Variants in BMERB1 observed in about 807,000 individuals in gnomAD.
BMERB1 encodes bMERB domain-containing protein 1.
Under a neutral mutation model 23.6 loss-of-function variants are expected in BMERB1, and 12 were observed. The observed-to-expected ratio is 0.51, with a 90% confidence interval of 0.33 to 0.82. The LOEUF is 0.82. Among genes scored for constraint, BMERB1 ranks in the 40% least tolerant of loss-of-function variants. The pLI is 0.03. For synonymous variants in BMERB1, 122 were observed against 96.6 expected, an observed-to-expected ratio of 1.26 and a Z score of -1.54; for missense variants, 247 against 255.4, an observed-to-expected ratio of 0.97 and a Z score of 0.22.
At chr16:15,501,498 A>G (rs932044560) in intron 1 of BMERB1, among the ~76,000 whole-genome samples, 2 of 146,830 alleles carry the variant, frequency 1.4e-5, no homozygotes, top group African/African-American at 5.2e-5. Flanking sequence ...TTGTTGAGAC[A>G]GAGTCTCCCT....
chr16:15,551,790 G>A lies in BMERB1; in HGVS notation c.231-16193G>A, dbSNP rs188523077. The stretch of plus-strand genomic sequence containing the variant: ...GAAACTTGCAGTCATGGCAGACGGC[G>A]AAGGGAAAGCAAGCACGTCTTACGT... On this transcript the variant is annotated intron_variant, in intron 2 of 5. Coordinates refer to ENST00000300006, the MANE Select transcript of BMERB1 (RefSeq NM_033201.3). 1.6e-3 allele frequency among the ~76,000 whole-genome samples: 237 copies of A among 152,294 alleles called. 1 individual carries two copies. The highest frequency in any genetic ancestry group is 5.4e-3 in the African/African-American group (225 of 41,558).
intron 2 of BMERB1, among the ~76,000 whole-genome samples, chr16:15,528,623 C>G (rs138236899): frequency 6.6e-6 from 1 of 151,824 alleles, no homozygotes; most frequent in Non-Finnish European, 1.5e-5. Flanking sequence ...CCCCACCCCC[C>G]GATACACACA....
At chr16:15,559,754 G>T (rs1419521970) in intron 2 of BMERB1, among the ~76,000 whole-genome samples, 23 of 152,154 alleles carry the variant, frequency 1.5e-4, no homozygotes, top group Non-Finnish European at 3.4e-4. Flanking sequence ...TTTCTTGGAA[G>T]GATGTTCAAA....
chr16:15,503,487 A>G (rs1478287547), intron 1 of BMERB1, among the ~76,000 whole-genome samples: 2 of 141,794 alleles, frequency 1.4e-5, no homozygotes, highest in African/African-American at 5.3e-5. Context: ...TGTAGTAGAG[A>G]CGGCGTTTCA....
chr16:15,542,147 T>C lies in BMERB1; in HGVS notation c.231-25836T>C, dbSNP rs2052091404. On this transcript the variant is annotated intron_variant, in intron 2 of 5. Coordinates refer to ENST00000300006, the MANE Select transcript of BMERB1 (RefSeq NM_033201.3). ...GGCATGATTGCGGCTCACTGCAACC[T>C]CCGCCTCCCAGGTTCAAGCAATTAT... is the stretch of plus-strand genomic sequence containing the variant. 2.7e-5 allele frequency among the ~76,000 whole-genome samples: 4 copies of C among 146,696 alleles called. No individual in the cohort carries two copies. The Admixed American group carries it at 2.7e-4, about 10-fold the overall frequency.
chr16:15,578,767 C>T (rs1309252705), intron 3 of BMERB1, among the ~76,000 whole-genome samples: 1 of 152,124 alleles, frequency 6.6e-6, no homozygotes, highest in East Asian at 1.9e-4. Flanking sequence ...TATAAGGGCA[C>T]TAATTCCATT....
At chr16:15,473,848 G>A (rs1225554397) in intron 1 of BMERB1, among the ~76,000 whole-genome samples, 3 of 151,854 alleles carry the variant, frequency 2.0e-5, no homozygotes, top group Non-Finnish European at 4.4e-5. Context: ...GGCTGGGTGC[G>A]GTGGCTCACG....
chr16:15,440,603 A>G (rs915522235), intron 1 of BMERB1, among the ~76,000 whole-genome samples: 1 of 152,108 alleles, frequency 6.6e-6, no homozygotes, highest in Admixed American at 6.6e-5. Context: ...TCTAGAAGTA[A>G]TACATGTACT....
intron 1 of BMERB1, among the ~76,000 whole-genome samples, chr16:15,499,957 C>G (rs1246459272): frequency 6.6e-6 from 1 of 152,158 alleles, no homozygotes; most frequent in Non-Finnish European, 1.5e-5. Context: ...TCAATATATT[C>G]AATCAATATA....
chr16:15,496,799 A>G (rs565403617), intron 1 of BMERB1, among the ~76,000 whole-genome samples: 3 of 152,106 alleles, frequency 2.0e-5, no homozygotes, highest in Non-Finnish European at 2.9e-5. Flanking sequence ...CGGCCTCCCA[A>G]AGTGCTGGGA....
At chr16:15,462,122 A>G (rs2051140464) in intron 1 of BMERB1, among the ~76,000 whole-genome samples, 1 of 133,350 alleles carries the variant, frequency 7.5e-6, no homozygotes, top group South Asian at 2.4e-4. Context: ...ATTCAAAGTT[A>G]ACTGGATGTC....
intron 1 of BMERB1, among the ~76,000 whole-genome samples, chr16:15,451,311 C>G (rs2051039252): frequency 6.6e-6 from 1 of 152,048 alleles, no homozygotes; most frequent in Non-Finnish European, 1.5e-5. Flanking sequence ...CTGCCTCAGC[C>G]TCTTGAGTAG....
chr16:15,452,783 A>C (rs992521952), intron 1 of BMERB1, among the ~76,000 whole-genome samples: 2 of 152,134 alleles, frequency 1.3e-5, no homozygotes, highest in Admixed American at 6.5e-5. Context: ...AACTTAGCCT[A>C]AGTGTATCGG....
chr16:15,586,538 C>A lies in BMERB1; in HGVS notation c.503-179C>A, dbSNP rs112442611. Among the ~76,000 whole-genome samples, 3 of 151,152 alleles carry A rather than the reference C, an allele frequency of 2.0e-5. No homozygotes were observed. The Admixed American group carries it at 2.0e-4, about 10-fold the overall frequency. On this transcript the variant is annotated intron_variant, in intron 5 of 5. Coordinates refer to ENST00000300006, the MANE Select transcript of BMERB1 (RefSeq NM_033201.3). ...TAAAATGAGGACTATAAAATGAGGA[C>A]CAGCTGAGGATCATATGAAATGTGC...
At chr16:15,519,074 T>TACTCACAC (rs2051815098) in intron 2 of BMERB1, among the ~76,000 whole-genome samples, 1 of 140,510 alleles carries the variant, frequency 7.1e-6, no homozygotes, top group Non-Finnish European at 1.5e-5. Flanking sequence ...ACAATCCTCT[T>TACTCACAC]ACACACACAC....
At chr16:15,503,783 A>G (rs997779035) in intron 1 of BMERB1, among the ~76,000 whole-genome samples, 1 of 152,170 alleles carries the variant, frequency 6.6e-6, no homozygotes, top group Non-Finnish European at 1.5e-5. Flanking sequence ...CAGGTCGCAC[A>G]ATTAGTGATA....
intron 1 of BMERB1, among the ~76,000 whole-genome samples, chr16:15,484,709 C>G (rs2051353310): frequency 6.6e-6 from 1 of 152,160 alleles, no homozygotes; most frequent in Non-Finnish European, 1.5e-5. Context: ...GCCTCTTTCC[C>G]CTTTTTTAAA....
rs190600296 is a variant in BMERB1, at chr16:15,503,345, G to A, written c.107-11960G>A. On this transcript the variant is annotated intron_variant, in intron 1 of 5. Coordinates refer to ENST00000300006, the MANE Select transcript of BMERB1 (RefSeq NM_033201.3). ...TGCCCAGGCTGGAGTGCAGTGGCGC[G>A]ATCTCGGCTCACTGCAAACTCCGCC... Among the ~76,000 whole-genome samples, 9 of 151,758 alleles carry A rather than the reference G, an allele frequency of 5.9e-5. No homozygotes were observed. In the East Asian group the frequency reaches 1.6e-3, roughly 26 times the overall value.
intron 1 of BMERB1, among the ~76,000 whole-genome samples, chr16:15,442,560 T>C (rs2050948761): frequency 6.6e-6 from 1 of 152,166 alleles, no homozygotes; most frequent in African/African-American, 2.4e-5. Context: ...CCTCCTGTGT[T>C]AATTGAAGAA....
Sources: allele counts gnomAD v4.1 joint callset (sites outside exome capture counted in the v4.1 genomes callset), GRCh38; gene constraint gnomAD v4.1.1; transcripts MANE v1.5; gene names NCBI Gene and HGNC (gene_info 2026-07-23, HGNC 2026-07-21).